MBD1: variants seen among roughly 807,000 people sequenced by gnomAD.
MBD1 encodes the protein methyl-CpG binding domain protein 1, also known as methyl-CpG-binding domain protein 1.
MBD1 carries 25 observed loss-of-function variants against 82.6 expected under a neutral mutation model. That is an observed-to-expected ratio of 0.30 (90% CI 0.22 to 0.42). The LOEUF (loss-of-function observed/expected upper bound fraction) is 0.42, where lower values mean the gene tolerates loss of function less well. Among genes scored for constraint, MBD1 ranks in the 10% least tolerant of loss-of-function variants. The pLI is 1.00. For synonymous variants in MBD1, 301 were observed against 303.7 expected (o/e 0.99, Z 0.09); for missense variants, 627 against 819.6 (o/e 0.76, Z 2.87).
intron 1 of MBD1, 56 bp downstream of exon 1, chr18:50,281,306 AT>A (rs1272352750): frequency 7.7e-7 from 1 of 1,300,812 alleles, no homozygotes; most frequent in Non-Finnish European, 1.1e-6. Context: ...CTGAGCCACA[AT>A]TCCTTCCCAT....
chr18:50,270,987 C>T (rs2035274986), intron 16 of MBD1: 1 of 968,136 alleles, frequency 1.0e-6, no homozygotes, highest in Non-Finnish European at 1.2e-6. Context: ...AATGTCTTCC[C>T]AAAAATATTA....
chr18:50,272,787 C>G, intron 14 of MBD1, 37 bp downstream of exon 14: 1 of 1,614,160 alleles, frequency 6.2e-7, no homozygotes, highest in Non-Finnish European at 8.5e-7. Flanking sequence ...GGGGCTACAG[C>G]AGGGTCAGGG....
chr18:50,276,310 G>A lies in MBD1; in HGVS notation c.516+68C>T. The A allele has an allele frequency of 6.0e-6, 9 of 1,512,434 alleles. No homozygotes were observed. In the South Asian group the frequency reaches 6.9e-5, roughly 12 times the overall value. 93.7% of individuals were successfully genotyped at this position (1,512,434 alleles called of 1,614,324 possible). On this transcript the variant is annotated intron_variant, in intron 6 of 16. Coordinates refer to ENST00000269468, the MANE Select transcript of MBD1 (RefSeq NM_015846.4). ...CTGTGGACCCATCATCATCCCTTCAGACTCTACCAGCTCCATCACATCCTG... is the reference window on the plus strand; with the variant it reads ...CTGTGGACCCATCATCATCCCTTCAAACTCTACCAGCTCCATCACATCCTG...
At position 50,269,466 on chromosome 18, in the gene MBD1, G is replaced by A. The variant is rs915518367; in HGVS notation, c.*385C>T. 2.7e-6 allele frequency: 2 copies of A among 744,792 alleles called. No homozygotes were observed. The highest frequency in any genetic ancestry group is 2.7e-5 in the East Asian group (1 of 37,180). 46.1% of individuals were successfully genotyped at this position (744,792 alleles called of 1,614,324 possible). ...CATTGTTTTTACACTTGGAAGGTTG[G>A]TGCTGGGGCACCAGGCGTTGTTGCA... On this transcript the variant is annotated 3_prime_UTR_variant, in exon 17 of 17. Coordinates refer to ENST00000269468, the MANE Select transcript of MBD1 (RefSeq NM_015846.4).
In MBD1 at chr18:50,270,183, G is replaced by A. The variant is rs1279375352; in HGVS notation, c.*33-365C>T. Reference sequence around the variant, plus strand: ...AGGGGTGGGGAAGGTGGCAGAGGCTGGACTGTATGAGACAGAACTGGGAAA... The same window carrying A: ...AGGGGTGGGGAAGGTGGCAGAGGCTAGACTGTATGAGACAGAACTGGGAAA... On this transcript the variant is annotated intron_variant, in intron 16 of 16. Coordinates refer to ENST00000269468, the MANE Select transcript of MBD1 (RefSeq NM_015846.4). 1.9e-6 allele frequency: 3 copies of A among 1,594,864 alleles called. No homozygotes were observed. The African/African-American group carries it at 4.0e-5, about 21-fold the overall frequency.
At position 50,281,513 on chromosome 18, in the gene MBD1, T is replaced by C. The variant is rs1361911492; in HGVS notation, c.-176A>G. On this transcript the variant is annotated 5_prime_UTR_variant, in exon 1 of 17. Coordinates refer to ENST00000269468, the MANE Select transcript of MBD1 (RefSeq NM_015846.4). The stretch of plus-strand genomic sequence containing the variant: ...CGGTAGCTGTCGCCTCCGCGGCTGT[T>C]CGTTGCTCCCGGAACCGGAAGTCCG... 3.5e-6 allele frequency: 2 copies of C among 578,782 alleles called. No individual in the cohort carries two copies. Among genetic ancestry groups the C allele is most frequent in the African/African-American group, 3.7e-5 (2 of 53,334 alleles). 35.9% of individuals were successfully genotyped at this position (578,782 alleles called of 1,614,324 possible). A position where few individuals can be genotyped will look rare whatever the true frequency, so the allele number is the denominator to read the frequency against.
At chr18:50,277,651 T>C (rs1212374104) in intron 2 of MBD1, among the ~76,000 whole-genome samples, 1 of 152,110 alleles carries the variant, frequency 6.6e-6, no homozygotes, top group Non-Finnish European at 1.5e-5. Context: ...GTATAAGTAA[T>C]TGATTTTGGG....
rs560964317 is a variant in MBD1 at position 50,276,866 on chromosome 18, T to G, written c.358A>C (p.Thr120Pro). The G allele has an allele frequency of 1.2e-6, 2 of 1,614,220 alleles. No homozygotes were observed. Among genetic ancestry groups the G allele is most frequent in the Admixed American group, 3.3e-5 (2 of 60,018 alleles). The part of the protein sequence containing the change: ...EAPRDETKAD[T>P]DTAPASFPAP... ...GGGAATGAAGCTGGGGCTGTGTCAG[T>G]GTCAGCCTTGGTCTCATCCCTCGGG... The change falls in exon 4 of 17, where the codon ACT becomes CCT. Residue 120 changes from threonine to proline, a missense_variant. Thr to Pro is a conservative substitution (Grantham distance 38, BLOSUM62 -1). This residue lies in a region of MBD1 where 75 missense variants were observed against 74.7 expected (regional missense o/e 1.00). Transcript: ENST00000269468.
intron 13 of MBD1, 147 bp downstream of exon 13, chr18:50,273,187 G>A: frequency 2.3e-6 from 3 of 1,304,098 alleles, no homozygotes; most frequent in Non-Finnish European, 3.2e-6. Flanking sequence ...GAGGTAGGGT[G>A]TCTGTTAGAC....
intron 2 of MBD1, 62 bp downstream of exon 2, chr18:50,279,821 T>C: frequency 6.2e-7 from 1 of 1,608,688 alleles, no homozygotes; most frequent in Non-Finnish European, 8.5e-7. Context: ...AACCACACCA[T>C]TTGATTTTAC....
chr18:50,269,281 C>A lies in MBD1; in HGVS notation c.*570G>T. 1 of 1,201,952 alleles carries A rather than the reference C, an allele frequency of 8.3e-7. No individual in the cohort carries two copies. Among genetic ancestry groups the A allele is most frequent in the Non-Finnish European group, 1.0e-6 (1 of 955,462 alleles). The allele number at this position is 1,201,952 out of a possible 1,614,324, so 74.5% of individuals were successfully genotyped here. On this transcript the variant is annotated 3_prime_UTR_variant, in exon 17 of 17. Transcript: ENST00000269468. ...AGCCACATAGTTATATTGAGTTATC[C>A]TCAGGTGAGCAGTGAGACCCTTGGG...
At chr18:50,276,144 T>G in intron 6 of MBD1, 163 bp from the exon 7 acceptor site, 1 of 924,088 alleles carries the variant, frequency 1.1e-6, no homozygotes, top group Non-Finnish European at 1.7e-6. Context: ...ACTGAGGCCA[T>G]TAGTATGTCT....
intron 15 of MBD1, 86 bp from the exon 16 acceptor site, chr18:50,271,626 G>A: frequency 1.4e-6 from 2 of 1,396,782 alleles, no homozygotes; most frequent in Admixed American, 1.7e-5. Context: ...CTACTATTCT[G>A]TGTCCTCCAT....
upstream of MBD1, chr18:50,281,590 T>A (rs73434059): frequency 4.6e-3 from 2,379 of 515,840 alleles, 38 homozygotes; most frequent in African/African-American, 0.042. Context: ...CACTATTGCC[T>A]CGATGTCGCG....
chr18:50,270,328 G>A, intron 16 of MBD1: 1 of 716,012 alleles, frequency 1.4e-6, no homozygotes. Context: ...TGTAAAGCTG[G>A]CTAACAAATT....
Position 50,276,893 on chromosome 18 carries a change from C to G in MBD1, c.331G>C (p.Ala111Pro). 6.2e-7 allele frequency: 1 copy of G among 1,614,260 alleles called. No homozygotes were observed. Among genetic ancestry groups the G allele is most frequent in the Non-Finnish European group, 8.5e-7 (1 of 1,180,056 alleles). The change falls in exon 4 of 17, where the codon GCC (alanine) becomes CCC (proline). Residue 111 changes from alanine (A) to proline (P), a missense_variant. Coordinates refer to ENST00000269468, the MANE Select transcript of MBD1 (RefSeq NM_015846.4). ...GPQSGEVRKE[A>P]PRDETKADTD... is the part of the protein sequence containing the mutation. ...TCAGCCTTGGTCTCATCCCTCGGGG[C>G]CTCCTTCCTGACCTCACCACTCTGG...
chr18:50,272,562 A>G (rs1398785268), intron 15 of MBD1, 115 bp downstream of exon 15: 1 of 1,085,638 alleles, frequency 9.2e-7, no homozygotes, highest in Non-Finnish European at 1.4e-6. Flanking sequence ...CATAGTGGGT[A>G]TGGGCCTTTA....
Position 50,276,427 on chromosome 18 carries a change from AG to A in MBD1, c.476-10del, listed in dbSNP as rs2037925839. 6.2e-7 allele frequency: 1 copy of A among 1,613,968 alleles called. No homozygotes were observed. The highest frequency in any genetic ancestry group is 1.1e-5 in the South Asian group (1 of 91,062). ...GAAGGCAATTCTCTGTGCTGTGGGG[AG>A]GAAGAGGGAAGAAGAAAAGTGGAAA... On this transcript the variant is annotated splice_polypyrimidine_tract_variant and intron_variant, in intron 5 of 16. Transcript: ENST00000269468.
At chr18:50,270,177 G>A in intron 16 of MBD1, 1 of 1,597,192 alleles carries the variant, frequency 6.3e-7, no homozygotes, top group Non-Finnish European at 8.5e-7. Context: ...GAAGGTGGCA[G>A]AGGCTGGACT....
Sources: gnomAD v4.1 joint callset for allele counts (sites outside exome capture counted in the v4.1 genomes callset) on GRCh38, gnomAD v4.1.1 for gene constraint, gnomAD v4.1.1 regional missense constraint, MANE v1.5 for transcripts, NCBI Gene and HGNC (gene_info 2026-07-23, HGNC 2026-07-21) for gene names.